The following PTPRD variants were observed in gnomAD, a reference collection of about 807,000 sequenced individuals.
PTPRD encodes receptor-type tyrosine-protein phosphatase delta.
In PTPRD, 34 loss-of-function variants were observed where a neutral mutation model predicts 214.5. That is an observed-to-expected ratio of 0.16 (90% CI 0.12 to 0.21). PTPRD has a LOEUF of 0.21. PTPRD is among the 10% of genes least tolerant of loss of function. The pLI, the probability that PTPRD is intolerant of heterozygous loss-of-function variation, is 1.00. For missense variants in PTPRD, 2,545 were observed against 2,398.7 expected (o/e 1.06, Z -1.27); for synonymous variants, 1,128 against 845.7 (o/e 1.33, Z -5.79).
intron 3 of PTPRD, among the ~76,000 whole-genome samples, chr9:10,040,123 C>T (rs1004503896): frequency 1.3e-5 from 2 of 151,950 alleles, no homozygotes; most frequent in Non-Finnish European, 2.9e-5. Flanking sequence ...GTAGGTAATA[C>T]TCTATCTAGA....
At chr9:8,328,790 G>A (rs575836129) in intron 44 of PTPRD, among the ~76,000 whole-genome samples, 3 of 151,626 alleles carry the variant, frequency 2.0e-5, no homozygotes, top group Non-Finnish European at 2.9e-5. Context: ...CTTCAATCTC[G>A]GACATCCGTT....
At chr9:8,697,370 G>C (rs1460933255) in intron 12 of PTPRD, among the ~76,000 whole-genome samples, 1 of 137,752 alleles carries the variant, frequency 7.3e-6, no homozygotes, top group East Asian at 2.1e-4. Flanking sequence ...CAGATTGTAA[G>C]TTTGTTGTTG....
chr9:10,474,559 C>A (rs1413284937), intron 2 of PTPRD, among the ~76,000 whole-genome samples: 2 of 152,080 alleles, frequency 1.3e-5, no homozygotes, highest in East Asian at 3.9e-4. Flanking sequence ...TAACACCCCA[C>A]TGTCAATATT....
intron 10 of PTPRD, among the ~76,000 whole-genome samples, chr9:9,159,112 GA>G (rs1364232674): frequency 6.6e-6 from 1 of 152,156 alleles, no homozygotes; most frequent in Non-Finnish European, 1.5e-5. Context: ...ACTCAATAGT[GA>G]AAACTTGAAA....
chr9:9,610,284 G>A lies in PTPRD; in HGVS notation c.-286-35503C>T, dbSNP rs369675897. On this transcript the variant is annotated intron_variant, in intron 7 of 45. Transcript: ENST00000381196. Reference sequence around the variant, plus strand: ...CCATTAAACATATTTTCAAAAAAATGCCGTATGAAAATATAAACAAGATTT... The same window carrying A: ...CCATTAAACATATTTTCAAAAAAATACCGTATGAAAATATAAACAAGATTT... Among the ~76,000 whole-genome samples the A allele has an allele frequency of 2.8e-4, 43 of 152,254 alleles. No homozygotes were observed. The East Asian group carries it at 5.0e-3, about 18-fold the overall frequency.
intron 10 of PTPRD, among the ~76,000 whole-genome samples, chr9:9,171,096 G>T (rs772949276): frequency 6.6e-6 from 1 of 152,114 alleles, no homozygotes; most frequent in Non-Finnish European, 1.5e-5. Flanking sequence ...ATTACAAATT[G>T]AAAGTCAAAA....
rs72700334 is a variant in PTPRD at position 8,671,202 on chromosome 9, A to T, written c.65-34358T>A. On this transcript the variant is annotated intron_variant, in intron 12 of 45. Transcript: ENST00000381196. ...AATAACCCAAAATTTGAACAACTTA[A>T]TTTTGCAGAAAAATGATGCGATACT... is the stretch of plus-strand genomic sequence containing the variant. Among the ~76,000 whole-genome samples the T allele has an allele frequency of 2.7e-3, 410 of 152,304 alleles. 1 individual carries two copies. The highest frequency in any genetic ancestry group is 4.1e-3 in the Admixed American group (62 of 15,290).
chr9:8,588,910 A>C (rs908822272), intron 14 of PTPRD, among the ~76,000 whole-genome samples: 9 of 152,148 alleles, frequency 5.9e-5, no homozygotes, highest in South Asian at 2.1e-4. Flanking sequence ...TATTTCAGAC[A>C]TCCTGAATCA....
chr9:8,332,439 G>A (rs563078059), intron 43 of PTPRD, among the ~76,000 whole-genome samples: 3 of 152,134 alleles, frequency 2.0e-5, no homozygotes, highest in African/African-American at 2.4e-5. Context: ...GGATACCAAC[G>A]ACTATTAGCA....
chr9:8,766,408 G>A (rs560987892), intron 11 of PTPRD, among the ~76,000 whole-genome samples: 8 of 152,172 alleles, frequency 5.3e-5, no homozygotes, highest in African/African-American at 1.9e-4. Flanking sequence ...GCAGGGTCAG[G>A]TCCCCAATTT....
At chr9:8,573,215 G>A (rs1186532129) in intron 14 of PTPRD, among the ~76,000 whole-genome samples, 1 of 151,866 alleles carries the variant, frequency 6.6e-6, no homozygotes, top group African/African-American at 2.4e-5. Flanking sequence ...CTGATAATAC[G>A]TTCCAAAAAT....
At chr9:10,552,986 G>C (rs1302621664) in intron 2 of PTPRD, among the ~76,000 whole-genome samples, 1 of 152,138 alleles carries the variant, frequency 6.6e-6, no homozygotes, top group African/African-American at 2.4e-5. Context: ...ATTTGTCCTA[G>C]GGTAGATTTA....
intron 3 of PTPRD, among the ~76,000 whole-genome samples, chr9:10,102,823 A>C (rs549540603): frequency 6.6e-6 from 1 of 151,840 alleles, no homozygotes; most frequent in South Asian, 2.1e-4. Flanking sequence ...CAGAAACATT[A>C]CACTTACATT....
At chr9:10,518,563 C>T (rs1415555987) in intron 2 of PTPRD, among the ~76,000 whole-genome samples, 9 of 150,716 alleles carry the variant, frequency 6.0e-5, no homozygotes, top group African/African-American at 1.2e-4. Context: ...GACGGAGTCT[C>T]GCACTGTCAC....
intron 14 of PTPRD, among the ~76,000 whole-genome samples, chr9:8,553,031 T>G (rs182666338): frequency 6.6e-6 from 1 of 152,258 alleles, no homozygotes; most frequent in East Asian, 1.9e-4. Context: ...TATAAATCAC[T>G]TGAGCTGGCC....
intron 14 of PTPRD, among the ~76,000 whole-genome samples, chr9:8,539,958 C>T (rs2077984102): frequency 6.6e-6 from 1 of 152,040 alleles, no homozygotes; most frequent in South Asian, 2.1e-4. Context: ...GGTTATGATG[C>T]ATCAGTGTTT....
intron 3 of PTPRD, among the ~76,000 whole-genome samples, chr9:10,288,628 CA>C (rs1261240773): frequency 6.6e-6 from 1 of 152,132 alleles, no homozygotes; most frequent in Non-Finnish European, 1.5e-5. Context: ...TTGCTTAAGA[CA>C]TGCAGTTCTT....
intron 6 of PTPRD, among the ~76,000 whole-genome samples, chr9:9,760,420 G>C (rs574567131): frequency 1.3e-5 from 2 of 152,010 alleles, no homozygotes; most frequent in African/African-American, 2.4e-5. Context: ...AGACACAAGG[G>C]CTTGATATTT....
chr9:9,796,461 G>A (rs2099003163), intron 5 of PTPRD, among the ~76,000 whole-genome samples: 1 of 152,008 alleles, frequency 6.6e-6, no homozygotes, highest in Admixed American at 6.6e-5. Flanking sequence ...GGAGAAAATT[G>A]AAAAATAGTC....
Sources: gnomAD v4.1 joint callset for allele counts (sites outside exome capture counted in the v4.1 genomes callset) on GRCh38, gnomAD v4.1.1 for gene constraint, MANE v1.5 for transcripts, NCBI Gene and HGNC (gene_info 2026-07-23, HGNC 2026-07-21) for gene names.